TMEM232: variants seen among roughly 807,000 people sequenced by gnomAD.
TMEM232 encodes transmembrane protein 232.
A neutral mutation model predicts 78.8 loss-of-function variants in TMEM232; 80 were observed. The observed-to-expected ratio is 1.01, with a 90% confidence interval of 0.85 to 1.22. The LOEUF is 1.22. Among genes scored for constraint, TMEM232 ranks in the 50% most tolerant of loss-of-function variants. The pLI is 0.00. For synonymous variants in TMEM232, 297 were observed against 254.3 expected, an observed-to-expected ratio of 1.17 and a Z score of -1.60; for missense variants, 881 against 742.2, an observed-to-expected ratio of 1.19 and a Z score of -2.17.
At chr5:110,459,883 C>G (rs1056541316) in intron 12 of TMEM232, among the ~76,000 whole-genome samples, 3 of 152,106 alleles carry the variant, frequency 2.0e-5, no homozygotes, top group South Asian at 2.1e-4. Flanking sequence ...GTTACATAAC[C>G]TGCAACTAAT....
At position 110,419,601 on chromosome 5, in the gene TMEM232, G is replaced by C. The variant is rs1474498528; in HGVS notation, c.*979C>G. Among the ~76,000 whole-genome samples the C allele has an allele frequency of 1.3e-5, 2 of 152,092 alleles. No individual in the cohort carries two copies. The highest frequency in any genetic ancestry group is 2.9e-5 in the Non-Finnish European group (2 of 67,960). ...GACATACATTTTGGAATGTAACCGA[G>C]TGATGGGAAATTTCTCTATATGGGA... is the stretch of plus-strand genomic sequence containing the variant. On this transcript the variant is annotated 3_prime_UTR_variant, in exon 14 of 14. Coordinates refer to ENST00000455884, the MANE Select transcript of TMEM232 (RefSeq NM_001039763.4).
intron 2 of TMEM232, among the ~76,000 whole-genome samples, chr5:110,407,093 A>T (rs1042230704): frequency 6.6e-5 from 10 of 152,260 alleles, no homozygotes; most frequent in Non-Finnish European, 1.3e-4. Context: ...TCTCAAAACC[A>T]TCAGAAAACC....
At chr5:110,515,266 G>C (rs970090704) in intron 12 of TMEM232, among the ~76,000 whole-genome samples, 2 of 152,154 alleles carry the variant, frequency 1.3e-5, no homozygotes, top group Admixed American at 1.3e-4. Context: ...CTGGCAAAAT[G>C]CTACCTAGAA....
intron 2 of TMEM232, among the ~76,000 whole-genome samples, chr5:110,666,101 T>C (rs1580578078): frequency 6.6e-6 from 1 of 152,032 alleles, no homozygotes; most frequent in East Asian, 1.9e-4. Flanking sequence ...AATTAACAAA[T>C]AAAAAAGCTG....
chr5:110,407,440 A>G (rs1755832952), intron 2 of TMEM232, among the ~76,000 whole-genome samples: 1 of 152,212 alleles, frequency 6.6e-6, no homozygotes, highest in Non-Finnish European at 1.5e-5. Context: ...CAAATTTACT[A>G]TATATTGATA....
chr5:110,474,077 A>G (rs1762977034), intron 12 of TMEM232, among the ~76,000 whole-genome samples: 1 of 151,670 alleles, frequency 6.6e-6, no homozygotes, highest in African/African-American at 2.4e-5. Context: ...GTTCCATTGC[A>G]CAATATAGTG....
At chr5:110,428,178 A>G (rs1293084979) in intron 12 of TMEM232, among the ~76,000 whole-genome samples, 3 of 151,476 alleles carry the variant, frequency 2.0e-5, no homozygotes, top group Non-Finnish European at 3.0e-5. Flanking sequence ...CCTACTCTCT[A>G]TGTCCATGAG....
At chr5:110,614,473 A>G (rs1782691070) in intron 8 of TMEM232, among the ~76,000 whole-genome samples, 1 of 152,138 alleles carries the variant, frequency 6.6e-6, no homozygotes, top group South Asian at 2.1e-4. Context: ...TGGTTCATTA[A>G]TGTTTGCAAC....
intron 1 of TMEM232, among the ~76,000 whole-genome samples, chr5:110,706,862 A>G (rs644709): frequency 0.8 from 121,099 of 152,072 alleles, 49,590 homozygotes; most frequent in East Asian, 0.94. Flanking sequence ...TCTCATTGAC[A>G]TAGCAGAGGA....
chr5:110,420,005 T>TAAAG lies in TMEM232; in HGVS notation c.*571_*574dup, dbSNP rs1756478500. 6.6e-6 allele frequency: 1 copy of TAAAG among 152,248 alleles called. No homozygotes were observed. Among genetic ancestry groups the TAAAG allele is most frequent in the Non-Finnish European group, 1.5e-5 (1 of 68,112 alleles). 9.4% of individuals were successfully genotyped at this position (152,248 alleles called of 1,614,324 possible). On this transcript the variant is annotated 3_prime_UTR_variant, in exon 14 of 14. Coordinates refer to ENST00000455884, the MANE Select transcript of TMEM232 (RefSeq NM_001039763.4). ...CTCAGGAATCCCCTCTGGCATCTGT[T>TAAAG]AAAGATCAAGCCAATCAATCTAAGA... is the stretch of plus-strand genomic sequence containing the variant.
chr5:110,563,033 T>C (rs1159702862), intron 11 of TMEM232, among the ~76,000 whole-genome samples: 1 of 152,144 alleles, frequency 6.6e-6, no homozygotes, highest in South Asian at 2.1e-4. Flanking sequence ...ACATATACTA[T>C]GCCTAAATCA....
intron 11 of TMEM232, among the ~76,000 whole-genome samples, chr5:110,535,135 C>G: frequency 6.6e-6 from 1 of 152,114 alleles, no homozygotes; most frequent in Non-Finnish European, 1.5e-5. Context: ...CCTCTGAGCC[C>G]AAGCTAAGCC....
In TMEM232 at chr5:110,625,375, T is replaced by C. The variant is rs1246663965; in HGVS notation, c.660A>G (p.Gln220=). The change falls in exon 7 of 14, where the codon CAA becomes CAG. Residue 220 remains glutamine (Q), a synonymous_variant. Transcript: ENST00000455884. ...HKYPNIFSNV[Q]FILKASEIIG... ...TAATTTCCGAGGCTTTCAGGATGAATTGCACATTTGAAAAGATGTTTGGAT... is the reference window on the plus strand; with the variant it reads ...TAATTTCCGAGGCTTTCAGGATGAACTGCACATTTGAAAAGATGTTTGGAT... 4.5e-6 allele frequency: 7 copies of C among 1,547,786 alleles called. No homozygotes were observed. Among genetic ancestry groups the C allele is most frequent in the East Asian group, 2.5e-5 (1 of 40,716 alleles).
chr5:110,663,302 A>G (rs1790059146), intron 2 of TMEM232, among the ~76,000 whole-genome samples: 1 of 152,086 alleles, frequency 6.6e-6, no homozygotes, highest in Non-Finnish European at 1.5e-5. Flanking sequence ...AAGGCACAAC[A>G]AAAACAAAGT....
intron 11 of TMEM232, among the ~76,000 whole-genome samples, chr5:110,565,248 TTTTA>T (rs1452623885): frequency 5.9e-5 from 9 of 151,970 alleles, no homozygotes; most frequent in Admixed American, 2.0e-4. Context: ...TCTCAGTATA[TTTTA>T]TTTATTTACC....
In TMEM232 at chr5:110,568,519, T is replaced by C; in HGVS notation, c.1383A>G (p.Ile461Met). ...DEEQDGLRNM[I>M]WQTLQKTKDY... ...CCTTTGTTTTCTGCAATGTTTGCCA[T>C]ATCATGTTTCTAAGTCCATCCTGTT... is the stretch of plus-strand genomic sequence containing the variant. The change falls in exon 11 of 14, where the codon ATA becomes ATG. Residue 461 changes from isoleucine to methionine, a missense_variant. Coordinates refer to ENST00000455884, the MANE Select transcript of TMEM232 (RefSeq NM_001039763.4). 1 of 1,549,552 alleles carries C rather than the reference T, an allele frequency of 6.5e-7. No individual in the cohort carries two copies. Among genetic ancestry groups the C allele is most frequent in the South Asian group, 1.2e-5 (1 of 83,902 alleles).
intron 2 of TMEM232, among the ~76,000 whole-genome samples, chr5:110,405,528 G>GA (rs1247775211): frequency 4.0e-5 from 6 of 151,498 alleles, no homozygotes; most frequent in Non-Finnish European, 7.4e-5. Context: ...TAATTTATAG[G>GA]AAAAAATGGA....
At chr5:110,734,399 C>A (rs1338802705) in intron 2 of TMEM232, among the ~76,000 whole-genome samples, 6 of 152,214 alleles carry the variant, frequency 3.9e-5, no homozygotes, top group African/African-American at 1.2e-4. Flanking sequence ...CACCTGCTAA[C>A]TAACACCTTT....
intron 2 of TMEM232, among the ~76,000 whole-genome samples, chr5:110,666,258 T>C (rs530057954): frequency 3.3e-5 from 5 of 152,284 alleles, no homozygotes; most frequent in African/African-American, 1.2e-4. Context: ...CCATTCTTGA[T>C]GAATTGTCAT....
Sources: gnomAD v4.1 joint callset for allele counts (sites outside exome capture counted in the v4.1 genomes callset) on GRCh38, gnomAD v4.1.1 for gene constraint, MANE v1.5 for transcripts, NCBI Gene and HGNC (gene_info 2026-07-23, HGNC 2026-07-21) for gene names.